HPSE2: variants seen among roughly 807,000 people sequenced by gnomAD.
The protein encoded by HPSE2 is inactive heparanase-2.
In HPSE2, 38 loss-of-function variants were observed where a neutral mutation model predicts 60.5. The ratio of observed to expected loss-of-function variants is 0.63; its 90% CI spans 0.48 to 0.82. The LOEUF is 0.82. HPSE2 is among the 40% of genes least tolerant of loss of function. The pLI is 0.00. For synonymous variants in HPSE2, 295 were observed against 293.2 expected, an observed-to-expected ratio of 1.01 and a Z score of -0.06; for missense variants, 713 against 740.4, an observed-to-expected ratio of 0.96 and a Z score of 0.43.
intron 3 of HPSE2, among the ~76,000 whole-genome samples, chr10:98,822,873 T>C (rs1373768161): frequency 6.6e-6 from 1 of 152,188 alleles, no homozygotes; most frequent in African/African-American, 2.4e-5. Flanking sequence ...CCCTAGAACC[T>C]ACGAATGTTA....
chr10:99,190,568 C>CT (rs1848185287), intron 2 of HPSE2, among the ~76,000 whole-genome samples: 1 of 152,202 alleles, frequency 6.6e-6, no homozygotes, highest in Non-Finnish European at 1.5e-5. Flanking sequence ...TGCTATACCA[C>CT]TTTGACTTCC....
chr10:99,126,572 C>T lies in HPSE2; in HGVS notation c.610+17666G>A, dbSNP rs959474174. 6.6e-6 allele frequency among the ~76,000 whole-genome samples: 1 copy of T among 152,124 alleles called. No homozygotes were observed. The highest frequency in any genetic ancestry group is 6.5e-5 in the Admixed American group (1 of 15,284). Reference sequence around the variant, plus strand: ...ATTACAACAACTCATGACAGAATAACCCTGCTCCCCCAAGAATAAGGAAAC... The same window carrying T: ...ATTACAACAACTCATGACAGAATAATCCTGCTCCCCCAAGAATAAGGAAAC... On this transcript the variant is annotated intron_variant, in intron 3 of 11. Coordinates refer to ENST00000370552, the MANE Select transcript of HPSE2 (RefSeq NM_021828.5). The surrounding 1 kb of genome is among the most constrained non-coding windows in gnomAD (Gnocchi z 4.0).
rs888896207 is a variant in HPSE2, at chr10:98,877,269, T to C, written c.611-133213A>G. On this transcript the variant is annotated intron_variant, in intron 3 of 11. Coordinates refer to ENST00000370552, the MANE Select transcript of HPSE2 (RefSeq NM_021828.5). ...CTTGGGTTCTTAAGGGAATATATGC[T>C]TCCTATCACCATGACTTTTATTTTA... Among the ~76,000 whole-genome samples the C allele has an allele frequency of 2.0e-5, 3 of 151,898 alleles. No individual in the cohort carries two copies. The South Asian group carries it at 6.2e-4, about 31-fold the overall frequency.
intron 3 of HPSE2, among the ~76,000 whole-genome samples, chr10:98,841,883 T>C (rs1433594435): frequency 6.6e-6 from 1 of 151,940 alleles, no homozygotes; most frequent in Non-Finnish European, 1.5e-5. Context: ...CTCAACTCGC[T>C]GCAACTTCTG....
At chr10:98,854,402 G>A (rs139362323) in intron 3 of HPSE2, among the ~76,000 whole-genome samples, 5 of 152,188 alleles carry the variant, frequency 3.3e-5, no homozygotes, top group Admixed American at 2.6e-4. Context: ...TAGCTGTAAC[G>A]TCATTAGCTG....
chr10:99,123,335 A>G (rs894893025), intron 3 of HPSE2, among the ~76,000 whole-genome samples: 1 of 152,250 alleles, frequency 6.6e-6, no homozygotes, highest in African/African-American at 2.4e-5. Flanking sequence ...CAAATCACCA[A>G]TAAACAGGTT....
intron 4 of HPSE2, among the ~76,000 whole-genome samples, chr10:98,730,592 G>C (rs1454749001): frequency 6.6e-6 from 1 of 151,604 alleles, no homozygotes; most frequent in African/African-American, 2.4e-5. Context: ...ACCGAAAAAA[G>C]AGAGAGAGAA....
In HPSE2 at chr10:98,517,837, C is replaced by A. The variant is rs116059397; in HGVS notation, c.1321-27641G>T. 1.5e-3 allele frequency among the ~76,000 whole-genome samples: 236 copies of A among 152,332 alleles called. 1 individual carries two copies. Among genetic ancestry groups the A allele is most frequent in the African/African-American group, 5.4e-3 (223 of 41,574 alleles). ...CTGCTCTGAGATCCAAGTTCCTCAA[C>A]CATAAAAACCTCTCTTATTTGACTG... On this transcript the variant is annotated intron_variant, in intron 9 of 11. Coordinates refer to ENST00000370552, the MANE Select transcript of HPSE2 (RefSeq NM_021828.5).
chr10:98,999,839 G>A (rs982724875), intron 3 of HPSE2, among the ~76,000 whole-genome samples: 2 of 152,140 alleles, frequency 1.3e-5, no homozygotes, highest in Non-Finnish European at 2.9e-5. Flanking sequence ...TAACAGTGTT[G>A]CCTTATTTTC....
the HPSE2 span, among the ~76,000 whole-genome samples, chr10:99,292,057 G>T: frequency 6.6e-6 from 1 of 152,120 alleles, no homozygotes; most frequent in Non-Finnish European, 1.5e-5. Flanking sequence ...ACCAGAGGGG[G>T]CCAAATAAAT....
intron 11 of HPSE2, among the ~76,000 whole-genome samples, chr10:98,463,302 G>C (rs543956699): frequency 3.2e-4 from 49 of 152,156 alleles, no homozygotes; most frequent in Non-Finnish European, 6.6e-4. Flanking sequence ...GATCCCGCCA[G>C]TCCCCCCTCC....
At chr10:98,803,623 G>A (rs1950970140) in intron 3 of HPSE2, among the ~76,000 whole-genome samples, 1 of 151,738 alleles carries the variant, frequency 6.6e-6, no homozygotes, top group Non-Finnish European at 1.5e-5. Flanking sequence ...TCAAAGATCA[G>A]ATAGTTGTAG....
chr10:98,561,502 G>A (rs935065186), intron 9 of HPSE2, among the ~76,000 whole-genome samples: 10 of 152,108 alleles, frequency 6.6e-5, no homozygotes, highest in African/African-American at 1.9e-4. Context: ...AAATTAAAAA[G>A]TTTATAAAGT....
chr10:98,536,102 C>T (rs559549149), intron 9 of HPSE2, among the ~76,000 whole-genome samples: 8 of 152,298 alleles, frequency 5.3e-5, no homozygotes, highest in African/African-American at 1.9e-4. Context: ...TGGGGCTACC[C>T]CTTAGGAAGT....
intron 3 of HPSE2, among the ~76,000 whole-genome samples, chr10:99,112,808 G>A (rs561095381): frequency 8.5e-5 from 13 of 152,236 alleles, no homozygotes; most frequent in African/African-American, 2.9e-4. Context: ...CTAAAGAATT[G>A]GTAGGATGGT....
rs1849815639 is a variant in HPSE2, at chr10:99,235,671, C to T, written c.132G>A (p.Arg44=). 4 of 1,614,014 alleles carry T rather than the reference C, an allele frequency of 2.5e-6. No homozygotes were observed. The highest frequency in any genetic ancestry group is 3.4e-6 in the Non-Finnish European group (4 of 1,180,004). Reference sequence around the variant, plus strand: ...CAGCTCTGTCTACAGGCAAGGGTCTCCTGTCTCCAGCCTGGGAGGAAAGGG... The same window carrying T: ...CAGCTCTGTCTACAGGCAAGGGTCTTCTGTCTCCAGCCTGGGAGGAAAGGG... ...HLSLSSQAGD[R]RPLPVDRAAG... is the part of the protein sequence containing the mutation. Residue 44 remains arginine (R), a synonymous_variant, in exon 1 of 12, where the codon AGG becomes AGA. Transcript: ENST00000370552.
At chr10:99,274,219 C>T in the HPSE2 span, among the ~76,000 whole-genome samples, 17 of 152,184 alleles carry the variant, frequency 1.1e-4, no homozygotes, top group South Asian at 3.1e-3. Context: ...TGGTGGCCTG[C>T]GCCTGTAATC....
At chr10:98,757,210 C>T (rs1231881193) in intron 3 of HPSE2, among the ~76,000 whole-genome samples, 1 of 152,082 alleles carries the variant, frequency 6.6e-6, no homozygotes, top group Non-Finnish European at 1.5e-5. Flanking sequence ...TATGGCAAAC[C>T]CACGGCCAGT....
chr10:98,649,488 G>A (rs997621035), intron 6 of HPSE2, among the ~76,000 whole-genome samples: 2 of 152,138 alleles, frequency 1.3e-5, no homozygotes, highest in Non-Finnish European at 2.9e-5. Flanking sequence ...TCTGCCAAGT[G>A]TCCCAACAAT....
Sources: allele counts gnomAD v4.1 joint callset (sites outside exome capture counted in the v4.1 genomes callset), GRCh38; gene constraint gnomAD v4.1.1; non-coding constraint Gnocchi (gnomAD v3.1); transcripts MANE v1.5; gene names NCBI Gene and HGNC (gene_info 2026-07-23, HGNC 2026-07-21).